CCDC172: variants seen among roughly 807,000 people sequenced by gnomAD.
CCDC172 encodes the protein coiled-coil domain-containing protein 172.
CCDC172 carries 30 observed loss-of-function variants against 38.0 expected under a neutral mutation model. That is an observed-to-expected ratio of 0.79 (90% CI 0.59 to 1.07). The LOEUF (loss-of-function observed/expected upper bound fraction) is 1.07. CCDC172 is among the 50% of genes least tolerant of loss of function. The pLI is 0.00. For synonymous variants in CCDC172, 78 were observed against 88.3 expected (o/e 0.88, Z 0.66); for missense variants, 297 against 290.1 (o/e 1.02, Z -0.17).
intron 3 of CCDC172, among the ~76,000 whole-genome samples, chr10:116,326,545 T>G (rs1206377769): frequency 6.6e-6 from 1 of 152,214 alleles, no homozygotes. Context: ...TCTGGCGAAT[T>G]TCAGCTTTTC....
chr10:116,366,063 C>A (rs964300212), intron 7 of CCDC172, among the ~76,000 whole-genome samples: 1 of 152,098 alleles, frequency 6.6e-6, no homozygotes, highest in Non-Finnish European at 1.5e-5. Flanking sequence ...GGGTATTTCA[C>A]CATCCACCCT....
rs369890235 is a variant in CCDC172 at position 116,324,766 on chromosome 10, G to A, written c.-66+153G>A. 1.6e-4 allele frequency among the ~76,000 whole-genome samples: 25 copies of A among 152,274 alleles called. No homozygotes were observed. In the East Asian group the frequency reaches 4.7e-3, roughly 28 times the overall value. On this transcript the variant is annotated intron_variant, in intron 1 of 8. Coordinates refer to ENST00000333254, the MANE Select transcript of CCDC172 (RefSeq NM_198515.3). ...AAAAGCCCGGTTTGTAAACTGTAAC[G>A]GGAAACAAAGGCTGAGGGCAGGAAG...
chr10:116,336,902 CA>C (rs2134914481), intron 3 of CCDC172, among the ~76,000 whole-genome samples: 1 of 152,202 alleles, frequency 6.6e-6, no homozygotes, highest in African/African-American at 2.4e-5. Context: ...GGCACCCAGG[CA>C]GCAAGAGTAG....
chr10:116,347,687 A>G (rs920929213), intron 5 of CCDC172, among the ~76,000 whole-genome samples: 3 of 152,172 alleles, frequency 2.0e-5, no homozygotes, highest in African/African-American at 7.2e-5. Flanking sequence ...GGTATCCAAT[A>G]TCATCACTAT....
At chr10:116,336,776 C>T (rs1160890040) in intron 3 of CCDC172, among the ~76,000 whole-genome samples, 1 of 151,950 alleles carries the variant, frequency 6.6e-6, no homozygotes, top group Non-Finnish European at 1.5e-5. Flanking sequence ...TTATTTTTAA[C>T]AACAGCAACC....
intron 3 of CCDC172, among the ~76,000 whole-genome samples, chr10:116,340,364 G>T (rs1209374880): frequency 2.6e-5 from 4 of 151,702 alleles, no homozygotes; most frequent in Non-Finnish European, 5.9e-5. Flanking sequence ...CTTATAAACT[G>T]TGAAAATAGA....
At chr10:116,330,402 A>T (rs1005479957) in intron 3 of CCDC172, among the ~76,000 whole-genome samples, 1 of 152,174 alleles carries the variant, frequency 6.6e-6, no homozygotes, top group Non-Finnish European at 1.5e-5. Context: ...CATTTGGAGG[A>T]TCTGCATAAT....
intron 7 of CCDC172, among the ~76,000 whole-genome samples, chr10:116,358,541 C>T (rs1845028272): frequency 6.6e-6 from 1 of 152,086 alleles, no homozygotes; most frequent in Admixed American, 6.5e-5. Flanking sequence ...AGTTCCTGCA[C>T]TTTCTAGGTT....
intron 5 of CCDC172, among the ~76,000 whole-genome samples, chr10:116,346,291 C>CA (rs562182925): frequency 0.024 from 1,909 of 79,034 alleles, 23 homozygotes; most frequent in Non-Finnish European, 0.029. Context: ...GACTTCGTCT[C>CA]AAAAAAAAAA....
At chr10:116,328,592 A>G (rs1844619508) in intron 3 of CCDC172, among the ~76,000 whole-genome samples, 1 of 152,110 alleles carries the variant, frequency 6.6e-6, no homozygotes. Context: ...ATCTGAGGCT[A>G]TTTTGTGAAT....
At chr10:116,329,156 C>A (rs1377018786) in intron 3 of CCDC172, among the ~76,000 whole-genome samples, 1 of 152,064 alleles carries the variant, frequency 6.6e-6, no homozygotes, top group Non-Finnish European at 1.5e-5. Context: ...AAATTTGTTT[C>A]CATTTTCTCT....
At chr10:116,360,186 A>C (rs186090008) in intron 7 of CCDC172, among the ~76,000 whole-genome samples, 1 of 152,286 alleles carries the variant, frequency 6.6e-6, no homozygotes, top group Admixed American at 6.5e-5. Flanking sequence ...TTTATCAGAA[A>C]CCTCCCAAAG....
chr10:116,367,418 G>A (rs111562284), intron 7 of CCDC172, among the ~76,000 whole-genome samples: 3 of 152,082 alleles, frequency 2.0e-5, no homozygotes, highest in Non-Finnish European at 4.4e-5. Context: ...GGCCAGGCGC[G>A]GTGGCTTATG....
In CCDC172 at chr10:116,357,862, ATTTGTACTACC is replaced by A. The variant is rs1845018263; in HGVS notation, c.578_588del (p.Ile193LysfsTer12). On this transcript the variant is annotated frameshift_variant, in exon 7 of 9. Coordinates refer to ENST00000333254, the MANE Select transcript of CCDC172 (RefSeq NM_198515.3). LOFTEE classifies it high-confidence loss of function. ...TTTTGAAGATGAAGAGAATGAATCCATTTGTACTACCAAATATCTAGAGGCAGAAAAAATAA... is the reference window on the plus strand; with the variant it reads ...TTTTGAAGATGAAGAGAATGAATCCAAAATATCTAGAGGCAGAAAAAATAA... 1 of 1,539,798 alleles carries A rather than the reference ATTTGTACTACC, an allele frequency of 6.5e-7. No individual in the cohort carries two copies. The highest frequency in any genetic ancestry group is 1.4e-5 in the African/African-American group (1 of 71,194).
At chr10:116,373,796 T>C (rs2134971278) in intron 7 of CCDC172, among the ~76,000 whole-genome samples, 1 of 152,292 alleles carries the variant, frequency 6.6e-6, no homozygotes, top group East Asian at 1.9e-4. Flanking sequence ...TGAGCCACTG[T>C]GGTCTGGCCA....
At chr10:116,350,608 C>G (rs1844919069) in intron 5 of CCDC172, among the ~76,000 whole-genome samples, 1 of 152,104 alleles carries the variant, frequency 6.6e-6, no homozygotes, top group African/African-American at 2.4e-5. Flanking sequence ...ATGTTTTTCT[C>G]AAAATGTTCC....
intron 7 of CCDC172, among the ~76,000 whole-genome samples, chr10:116,376,119 C>A (rs922674354): frequency 6.6e-6 from 1 of 152,178 alleles, no homozygotes; most frequent in East Asian, 1.9e-4. Flanking sequence ...GACTTGGAAC[C>A]ATCCACAGTG....
intron 7 of CCDC172, among the ~76,000 whole-genome samples, chr10:116,373,097 G>C (rs781359300): frequency 2.0e-5 from 3 of 152,032 alleles, no homozygotes; most frequent in Admixed American, 6.6e-5. Context: ...TAAAACTCCA[G>C]AAATGGTTCA....
intron 7 of CCDC172, among the ~76,000 whole-genome samples, chr10:116,367,849 CCTT>C (rs1845142682): frequency 6.6e-6 from 1 of 151,980 alleles, no homozygotes; most frequent in African/African-American, 2.4e-5. Flanking sequence ...CTCTCTCTCT[CCTT>C]CTTATATCTA....
Sources: allele counts gnomAD v4.1 joint callset (sites outside exome capture counted in the v4.1 genomes callset), GRCh38; gene constraint gnomAD v4.1.1; transcripts MANE v1.5; gene names NCBI Gene and HGNC (gene_info 2026-07-23, HGNC 2026-07-21).